Variants in TTLL8 observed in about 807,000 individuals in gnomAD.
TTLL8 encodes the protein tubulin tyrosine ligase like 8.
A neutral mutation model predicts 77.8 loss-of-function variants in TTLL8; 65 were observed. That is an observed-to-expected ratio of 0.84 (90% CI 0.68 to 1.03). The LOEUF (loss-of-function observed/expected upper bound fraction) is 1.03. TTLL8 is among the 50% of genes least tolerant of loss of function. TTLL8 has a pLI of 0.00. For missense variants in TTLL8, 910 were observed against 1,004.5 expected (o/e 0.91, Z 1.27); for synonymous variants, 402 against 422.8 (o/e 0.95, Z 0.60).
intron 12 of TTLL8, among the ~76,000 whole-genome samples, chr22:50,023,053 C>T (rs2061213867): frequency 6.6e-6 from 1 of 151,090 alleles, no homozygotes; most frequent in African/African-American, 2.5e-5. Flanking sequence ...TTTACCAACA[C>T]GTCAGGACAC....
upstream of TTLL8, chr22:50,055,237 G>A (rs1433720388): frequency 2.3e-6 from 3 of 1,289,166 alleles, no homozygotes. Flanking sequence ...CATTTACCTT[G>A]ATTGCTTTTT....
intron 3 of TTLL8, 53 bp from the exon 6 acceptor site, chr22:50,047,349 C>T (rs1200500284): frequency 3.7e-6 from 5 of 1,350,318 alleles, no homozygotes; most frequent in African/African-American, 1.5e-5. Flanking sequence ...TCACACCAGC[C>T]AGGATGGGAT....
rs977668585 is a variant in TTLL8, at chr22:50,034,592, T to G, written c.922-130A>C. 5.9e-6 allele frequency: 6 copies of G among 1,011,794 alleles called. No homozygotes were observed. Among genetic ancestry groups the G allele is most frequent in the East Asian group, 6.1e-5 (1 of 16,512 alleles). The allele number at this position is 1,011,794 out of a possible 1,614,324, so 62.7% of individuals were successfully genotyped here. ...AAGCAGGCGCTCGGCTCTAGGATGG[T>G]CTGGGGCTGGCCTGGCGGGAAAGGG... On this transcript the variant is annotated intron_variant, in intron 8 of 13. Coordinates refer to ENST00000266182, the Ensembl canonical transcript of TTLL8. The surrounding 1 kb of genome is among the most constrained non-coding windows in gnomAD (Gnocchi z 4.1).
intron 12 of TTLL8, among the ~76,000 whole-genome samples, chr22:50,020,251 A>ATGCACTCCTCCATCTGACG (rs1569217119): frequency 5.2e-5 from 7 of 135,366 alleles, no homozygotes; most frequent in African/African-American, 2.0e-4. Flanking sequence ...TCCATCTGAC[A>ATGCACTCCTCCATCTGACG]TGCACTCCTC....
At chr22:50,033,375 G>A (rs749190644) in exon 10 of TTLL8, 3 of 1,365,310 alleles carry the variant, frequency 2.2e-6, no homozygotes, top group Non-Finnish European at 2.9e-6. Context: ...CCCACTTGTT[G>A]TCCCTGGAAA....
intron 8 of TTLL8, among the ~76,000 whole-genome samples, chr22:50,037,495 C>T (rs980449875): frequency 5.3e-5 from 8 of 152,350 alleles, no homozygotes; most frequent in South Asian, 4.1e-4. Flanking sequence ...CCACCACGCC[C>T]GGCCCAATGT....
chr22:50,051,966 C>T (rs1404194411), intron 1 of TTLL8, among the ~76,000 whole-genome samples: 2 of 152,142 alleles, frequency 1.3e-5, no homozygotes, highest in East Asian at 3.8e-4. Context: ...AGGCACACAG[C>T]GGACGAAGCG....
intron 6 of TTLL8, 23 bp downstream of exon 8, chr22:50,045,223 GCCTGGCACT>G: frequency 7.5e-7 from 1 of 1,340,830 alleles, no homozygotes; most frequent in Non-Finnish European, 9.8e-7. Context: ...AGCTCTGGTG[GCCTGGCACT>G]GCCCTGCCCC....
chr22:50,036,408 C>T (rs532414423), intron 8 of TTLL8, among the ~76,000 whole-genome samples: 8 of 152,258 alleles, frequency 5.3e-5, no homozygotes, highest in African/African-American at 1.9e-4. Context: ...TCAAGTTGAA[C>T]AGTGTGTACG....
At chr22:50,030,209 C>T in intron 12 of TTLL8, 2 of 985,414 alleles carry the variant, frequency 2.0e-6, no homozygotes, top group Non-Finnish European at 2.4e-6. Context: ...CTGGCCGGCA[C>T]TCCCACGCCC....
chr22:50,039,817 T>C (rs1376523671), intron 8 of TTLL8, among the ~76,000 whole-genome samples: 2 of 149,640 alleles, frequency 1.3e-5, no homozygotes, highest in African/African-American at 5.0e-5. Flanking sequence ...TGTATCAGCG[T>C]GGACAGACCT....
rs745643308 is a variant in TTLL8, at chr22:50,041,286, G to A, written c.831-9C>T. The A allele has an allele frequency of 4.1e-5, 21 of 507,146 alleles. No individual in the cohort carries two copies. The highest frequency in any genetic ancestry group is 7.5e-5 in the Non-Finnish European group (19 of 252,254). 31.4% of individuals were successfully genotyped at this position (507,146 alleles called of 1,614,324 possible). On this transcript the variant is annotated splice_polypyrimidine_tract_variant and intron_variant, in intron 7 of 13. Transcript: ENST00000266182. This position sits in a 1 kb window ranked among gnomAD's most constrained non-coding sequence, Gnocchi z 4.3. ...TACTCCCCAAAGGCACCCTGAGGGG[G>A]TATCATCCTCTCAACAGTCATCAGG...
intron 12 of TTLL8, among the ~76,000 whole-genome samples, chr22:50,021,750 T>TGAC (rs2061202134): frequency 8.0e-6 from 1 of 124,386 alleles, no homozygotes; most frequent in Non-Finnish European, 1.7e-5. Flanking sequence ...CTCCATCTGA[T>TGAC]GTGCACTCCT....
intron 4 of TTLL8, 79 bp from the exon 7 acceptor site, chr22:50,046,049 T>A: frequency 8.0e-7 from 1 of 1,250,956 alleles, no homozygotes; most frequent in Admixed American, 2.3e-5. Flanking sequence ...GGACGGGCCG[T>A]CCACCTCAGA....
intron 1 of TTLL8, among the ~76,000 whole-genome samples, chr22:50,053,946 C>T (rs1420338302): frequency 1.3e-5 from 2 of 149,242 alleles, no homozygotes; most frequent in South Asian, 2.2e-4. Context: ...TATTTGTACA[C>T]GTTCTGCTCT....
intron 12 of TTLL8, among the ~76,000 whole-genome samples, chr22:50,026,020 T>C (rs769341593): frequency 2.8e-4 from 42 of 152,148 alleles, no homozygotes; most frequent in Admixed American, 5.2e-4. Flanking sequence ...GTGGTGCCAC[T>C]CTTGGACACA....
chr22:50,057,792 G>A (rs1004156257), upstream of TTLL8, among the ~76,000 whole-genome samples: 1 of 151,270 alleles, frequency 6.6e-6, no homozygotes, highest in Non-Finnish European at 1.5e-5. Context: ...TGGGTTGGGG[G>A]TGCAGGTCTA....
chr22:50,038,075 G>A (rs145850801), intron 8 of TTLL8, among the ~76,000 whole-genome samples: 155 of 151,960 alleles, frequency 1.0e-3, no homozygotes, highest in African/African-American at 3.7e-3. Context: ...TTAAATTTAG[G>A]GTCTTGAATG....
intron 6 of TTLL8, among the ~76,000 whole-genome samples, chr22:50,043,896 T>G (rs1343252638): frequency 1.3e-5 from 2 of 151,772 alleles, no homozygotes; most frequent in African/African-American, 4.8e-5. Flanking sequence ...CACAGGGAGT[T>G]TTAGGGCCGG....
Sources: allele counts gnomAD v4.1 joint callset (sites outside exome capture counted in the v4.1 genomes callset), GRCh38; gene constraint gnomAD v4.1.1; non-coding constraint Gnocchi (gnomAD v3.1); transcripts MANE v1.5; gene names NCBI Gene and HGNC (gene_info 2026-07-23, HGNC 2026-07-21).